Variants in AMZ1 observed in about 807,000 individuals in gnomAD.
The protein encoded by AMZ1 is archaelysin family metallopeptidase 1, also known as archaemetzincin-1.
AMZ1 carries 39 observed loss-of-function variants against 29.9 expected under a neutral mutation model. That is an observed-to-expected ratio of 1.30 (90% CI 1.01 to 1.70). The LOEUF (loss-of-function observed/expected upper bound fraction) is 1.70, where lower values mean the gene tolerates loss of function less well. Ranked by LOEUF, AMZ1 falls within the 40% of genes most tolerant of loss-of-function variation. AMZ1 has a pLI of 0.00. For synonymous variants in AMZ1, 458 were observed against 304.0 expected (o/e 1.51, Z -5.27); for missense variants, 1,041 against 680.6 (o/e 1.53, Z -5.89).
At chr7:2,720,812 C>T (rs575971950), downstream of AMZ1, among the ~76,000 whole-genome samples, 3 of 152,236 alleles carry the variant, frequency 2.0e-5, no homozygotes, top group Admixed American at 2.0e-4. Flanking sequence ...AGTAGCTGGA[C>T]TACAGGTGTG....
chr7:2,746,614 A>C (rs1316669133), intron 4 of AMZ1, among the ~76,000 whole-genome samples: 1 of 152,178 alleles, frequency 6.6e-6, no homozygotes, highest in African/African-American at 2.4e-5. Flanking sequence ...AAGAACTAGA[A>C]AAGCAAGAAC....
At chr7:2,753,737 TA>T (rs1328057309) in intron 4 of AMZ1, among the ~76,000 whole-genome samples, 2 of 152,166 alleles carry the variant, frequency 1.3e-5, no homozygotes, top group African/African-American at 4.8e-5. Context: ...AGTGTATGTT[TA>T]ATTTTTTTTT....
At chr7:2,754,480 C>T (rs1248183991) in intron 4 of AMZ1, among the ~76,000 whole-genome samples, 2 of 151,992 alleles carry the variant, frequency 1.3e-5, no homozygotes, top group Non-Finnish European at 2.9e-5. Flanking sequence ...CGGTGGCTCA[C>T]CCCTGTAATC....
chr7:2,708,982 C>A (rs1562371840), intron 4 of AMZ1, 93 bp from the exon 5 acceptor site: 1 of 1,434,994 alleles, frequency 7.0e-7, no homozygotes, highest in South Asian at 1.4e-5. Context: ...GGGCCATGGC[C>A]AGCTTGCATG....
chr7:2,692,262 C>G (rs773569617), intron 1 of AMZ1, among the ~76,000 whole-genome samples: 1 of 152,264 alleles, frequency 6.6e-6, no homozygotes, highest in East Asian at 1.9e-4. Flanking sequence ...CGAGCTTGGC[C>G]GGGCGTGGTG....
rs768758229 is a variant in AMZ1, at chr7:2,702,912, G to A, written c.472+23G>A. ...CAGGTGAGTGAGGACGGCAGCCGCC[G>A]CTCAGGCCAAGGCAGGCCCCTTCTG... On this transcript the variant is annotated intron_variant, in intron 3 of 6. Transcript: ENST00000683327. 8 of 1,570,398 alleles carry A rather than the reference G, an allele frequency of 5.1e-6. No individual in the cohort carries two copies. The East Asian group carries it at 9.3e-5, about 18-fold the overall frequency.
At chr7:2,747,395 A>G (rs1386375811) in intron 4 of AMZ1, among the ~76,000 whole-genome samples, 1 of 152,252 alleles carries the variant, frequency 6.6e-6, no homozygotes, top group Non-Finnish European at 1.5e-5. Context: ...GTAATCCAGT[A>G]TATAAACAGA....
chr7:2,681,621 C>G (rs1299072087), intron 1 of AMZ1, among the ~76,000 whole-genome samples: 1 of 152,154 alleles, frequency 6.6e-6, no homozygotes, highest in African/African-American at 2.4e-5. Context: ...AGTCTGCAGA[C>G]AGCTCAGAGT....
chr7:2,689,900 A>G (rs1226138430), intron 1 of AMZ1, among the ~76,000 whole-genome samples: 1 of 152,188 alleles, frequency 6.6e-6, no homozygotes, highest in Admixed American at 6.5e-5. Context: ...GGGTACCCCC[A>G]GGGCTCACAT....
intron 1 of AMZ1, among the ~76,000 whole-genome samples, chr7:2,690,411 G>A (rs1207103836): frequency 6.6e-6 from 1 of 152,260 alleles, no homozygotes; most frequent in African/African-American, 2.4e-5. Flanking sequence ...GTAGAGACGG[G>A]GTTTTGCCAT....
At chr7:2,756,768 C>T (rs1000060664) in intron 4 of AMZ1, among the ~76,000 whole-genome samples, 1 of 152,126 alleles carries the variant, frequency 6.6e-6, no homozygotes, top group Non-Finnish European at 1.5e-5. Flanking sequence ...TGGAACATCA[C>T]TTTTGTGATT....
At chr7:2,696,465 G>GA (rs1554246635) in intron 1 of AMZ1, among the ~76,000 whole-genome samples, 1 of 149,592 alleles carries the variant, frequency 6.7e-6, no homozygotes, top group Non-Finnish European at 1.5e-5. Context: ...CACCATGTTA[G>GA]CCAGGATGGT....
intron 4 of AMZ1, among the ~76,000 whole-genome samples, chr7:2,759,511 A>G (rs1278031962): frequency 6.6e-6 from 1 of 152,348 alleles, no homozygotes; most frequent in East Asian, 1.9e-4. Context: ...ATAGGTGGTA[A>G]AAAGACAAGT....
At chr7:2,749,104 G>T (rs1301970094) in intron 4 of AMZ1, among the ~76,000 whole-genome samples, 1 of 152,220 alleles carries the variant, frequency 6.6e-6, no homozygotes, top group African/African-American at 2.4e-5. Flanking sequence ...TCAGTGTGGC[G>T]ATTCCTCAGG....
In AMZ1 at chr7:2,700,597, AC is replaced by A; in HGVS notation, c.149del (p.Pro50ArgfsTer19). The part of the protein sequence containing the change: ...AERLFLAEAY[N>X]PQRTLFCTLL... ...CGGCTCTTCCTGGCCGAGGCCTACAACCCGCAGAGGACGCTCTTCTGCACCC... is the reference window on the plus strand; with the variant it reads ...CGGCTCTTCCTGGCCGAGGCCTACAACCGCAGAGGACGCTCTTCTGCACCC... On this transcript the variant is annotated frameshift_variant, in exon 2 of 7. Coordinates refer to ENST00000683327, the MANE Select transcript of AMZ1 (RefSeq NM_001384743.1). LOFTEE classifies it high-confidence loss of function. The A allele has an allele frequency of 6.2e-7, 1 of 1,609,854 alleles. No homozygotes were observed.
chr7:2,733,648 G>A, intron 4 of AMZ1: 1 of 647,506 alleles, frequency 1.5e-6, no homozygotes, highest in Non-Finnish European at 2.8e-6. Flanking sequence ...GTGTCCGTGT[G>A]TTTTCTAAAA....
At position 2,703,210 on chromosome 7, in the gene AMZ1, G is replaced by A. The variant is rs549946965; in HGVS notation, c.472+321G>A. On this transcript the variant is annotated intron_variant, in intron 3 of 6. Transcript: ENST00000683327. ...CACCCAGGCTGGAGTGCCGTGGCGC[G>A]ATCTCGGCTCACTGCAACCTCCCGG... Among the ~76,000 whole-genome samples the A allele has an allele frequency of 7.9e-5, 12 of 152,150 alleles. No homozygotes were observed. In the East Asian group the frequency reaches 2.3e-3, roughly 29 times the overall value.
chr7:2,763,074 A>G (rs1333946424), upstream of AMZ1: 3 of 1,247,572 alleles, frequency 2.4e-6, no homozygotes, highest in East Asian at 6.3e-5. Flanking sequence ...GGGGCTCCCT[A>G]CCAGCCTTGA....
In AMZ1 at chr7:2,714,685, G is replaced by A. The variant is rs1238349201; in HGVS notation, c.*1807G>A. 1 of 152,194 alleles carries A rather than the reference G, an allele frequency of 6.6e-6. No homozygotes were observed. Among genetic ancestry groups the A allele is most frequent in the African/African-American group, 2.4e-5 (1 of 41,456 alleles). The allele number at this position is 152,194 out of a possible 1,614,324, so 9.4% of individuals were successfully genotyped here. ...TCTGTAACTTGGGCAGAGCTCGGTG[G>A]AGACGGTTTGCCCCTGTGGCTCGAC... On this transcript the variant is annotated 3_prime_UTR_variant, in exon 7 of 7. Transcript: ENST00000683327.
Sources: allele counts gnomAD v4.1 joint callset (sites outside exome capture counted in the v4.1 genomes callset), GRCh38; gene constraint gnomAD v4.1.1; transcripts MANE v1.5; gene names NCBI Gene and HGNC (gene_info 2026-07-23, HGNC 2026-07-21).